The following GABRG3 variants were observed in gnomAD, a reference collection of about 807,000 sequenced individuals.
The protein encoded by GABRG3 is gamma-aminobutyric acid type A receptor subunit gamma3, also known as gamma-aminobutyric acid receptor subunit gamma-3.
A neutral mutation model predicts 48.8 loss-of-function variants in GABRG3; 25 were observed. The ratio of observed to expected loss-of-function variants is 0.51; its 90% confidence interval spans 0.37 to 0.72. GABRG3 has a LOEUF of 0.72. Among genes scored for constraint, GABRG3 ranks in the 30% least tolerant of loss-of-function variants. The pLI is 0.00. For synonymous variants in GABRG3, 227 were observed against 217.6 expected (o/e 1.04, Z -0.38); for missense variants, 394 against 577.9 (o/e 0.68, Z 3.26).
chr15:27,230,146 AGTGT>A (rs1350850149), intron 3 of GABRG3, among the ~76,000 whole-genome samples: 1 of 151,866 alleles, frequency 6.6e-6, no homozygotes. Context: ...TATTTTATTT[AGTGT>A]GTGTGTGGCA....
chr15:27,166,516 C>G (rs1297557748), intron 3 of GABRG3, among the ~76,000 whole-genome samples: 1 of 152,058 alleles, frequency 6.6e-6, no homozygotes, highest in East Asian at 1.9e-4. Context: ...AAAGGTCTTG[C>G]AGGGAGGCCA....
chr15:27,387,436 T>C (rs1895957595), intron 5 of GABRG3, among the ~76,000 whole-genome samples: 1 of 152,170 alleles, frequency 6.6e-6, no homozygotes, highest in Admixed American at 6.5e-5. Context: ...TCGAAGCCTA[T>C]TCAACACTAT....
At chr15:27,074,524 C>G (rs1896879911) in intron 3 of GABRG3, among the ~76,000 whole-genome samples, 1 of 151,820 alleles carries the variant, frequency 6.6e-6, no homozygotes, top group African/African-American at 2.4e-5. Context: ...GACTCTTGTC[C>G]CTTCCTCGGA....
chr15:27,246,361 T>C (rs1353962323), intron 3 of GABRG3, among the ~76,000 whole-genome samples: 3 of 152,218 alleles, frequency 2.0e-5, no homozygotes, highest in African/African-American at 7.2e-5. Context: ...AGAATGTTGC[T>C]GAATCATGTG....
At chr15:27,532,571 G>A (rs1891449550) in intron 9 of GABRG3, 29 bp from the exon 10 acceptor site, 1 of 1,606,760 alleles carries the variant, frequency 6.2e-7, no homozygotes, top group African/African-American at 1.3e-5. Context: ...ATTTTACAAT[G>A]GTTGTTGTGT....
intron 3 of GABRG3, among the ~76,000 whole-genome samples, chr15:27,244,558 G>A (rs564518359): frequency 1.5e-4 from 23 of 152,298 alleles, no homozygotes; most frequent in Admixed American, 2.0e-4. Context: ...CATGTGTATT[G>A]AATATCTGCA....
chr15:27,389,682 G>A lies in GABRG3; in HGVS notation c.574+60794G>A, dbSNP rs112418614. 3.9e-3 allele frequency among the ~76,000 whole-genome samples: 594 copies of A among 152,192 alleles called. 2 individuals carry two copies. Among genetic ancestry groups the A allele is most frequent in the African/African-American group, 0.014 (561 of 41,522 alleles). On this transcript the variant is annotated intron_variant, in intron 5 of 9. Transcript: ENST00000615808. The stretch of plus-strand genomic sequence containing the variant: ...GTAATATCATCCTACAGAACAATCC[G>A]TCACAGCTACTCAGAGCACGTAATT...
At position 27,507,640 on chromosome 15, in the gene GABRG3, G is replaced by C. The variant is rs533192554; in HGVS notation, c.713-12332G>C. 2.2e-3 allele frequency among the ~76,000 whole-genome samples: 332 copies of C among 152,122 alleles called. 1 individual carries two copies. Among genetic ancestry groups the C allele is most frequent in the Non-Finnish European group, 3.6e-3 (242 of 68,002 alleles). ...AGAATATGTATTCTGCTGTTTTGTTGCCTGGAGTATTATATAATTATAAAT... is the reference window on the plus strand; with the variant it reads ...AGAATATGTATTCTGCTGTTTTGTTCCCTGGAGTATTATATAATTATAAAT... On this transcript the variant is annotated intron_variant, in intron 6 of 9. Transcript: ENST00000615808.
intron 3 of GABRG3, among the ~76,000 whole-genome samples, chr15:27,066,077 A>C (rs932944202): frequency 6.6e-6 from 1 of 152,234 alleles, no homozygotes; most frequent in African/African-American, 2.4e-5. Flanking sequence ...AGCGAAAGTG[A>C]CATTGGCTGT....
At chr15:27,490,316 C>T (rs1890318480) in intron 6 of GABRG3, among the ~76,000 whole-genome samples, 1 of 152,204 alleles carries the variant, frequency 6.6e-6, no homozygotes. Flanking sequence ...TAAAAGTCCA[C>T]ACTGCTTCTG....
chr15:27,114,422 T>C (rs1299446956), intron 3 of GABRG3, among the ~76,000 whole-genome samples: 1 of 152,212 alleles, frequency 6.6e-6, no homozygotes, highest in African/African-American at 2.4e-5. Flanking sequence ...ATCAATCTTA[T>C]AGCTGTGCAT....
At chr15:27,098,070 A>G (rs959257970) in intron 3 of GABRG3, among the ~76,000 whole-genome samples, 2 of 152,062 alleles carry the variant, frequency 1.3e-5, no homozygotes, top group Non-Finnish European at 2.9e-5. Context: ...AGTTATCACA[A>G]TTTTAGTATT....
chr15:27,022,252 AC>A (rs1895909136), intron 2 of GABRG3, among the ~76,000 whole-genome samples: 1 of 152,236 alleles, frequency 6.6e-6, no homozygotes, highest in East Asian at 1.9e-4. Context: ...TTGCCACTTC[AC>A]GCTGGAAAAG....
At position 27,333,005 on chromosome 15, in the gene GABRG3, T is replaced by C. The variant is rs1012838740; in HGVS notation, c.574+4117T>C. Reference sequence around the variant, plus strand: ...CTAAAATGTAGTTTAAAAGGTAATGTTATTAGTTTATTTAAACTTGTTAAA... The same window carrying C: ...CTAAAATGTAGTTTAAAAGGTAATGCTATTAGTTTATTTAAACTTGTTAAA... On this transcript the variant is annotated intron_variant, in intron 5 of 9. Coordinates refer to ENST00000615808, the MANE Select transcript of GABRG3 (RefSeq NM_033223.5). Among the ~76,000 whole-genome samples, 8 of 152,216 alleles carry C rather than the reference T, an allele frequency of 5.3e-5. No individual in the cohort carries two copies. The East Asian group carries it at 1.5e-3, about 29-fold the overall frequency.
At chr15:27,156,273 T>C (rs1427299079) in intron 3 of GABRG3, among the ~76,000 whole-genome samples, 1 of 126,914 alleles carries the variant, frequency 7.9e-6, no homozygotes, top group Non-Finnish European at 1.6e-5. Flanking sequence ...CACTCCAGCC[T>C]GAGTGACAGA....
chr15:27,076,614 G>A (rs944807918), intron 3 of GABRG3, among the ~76,000 whole-genome samples: 3 of 152,138 alleles, frequency 2.0e-5, no homozygotes, highest in Non-Finnish European at 2.9e-5. Context: ...ATGAGCCACC[G>A]TGCCCGGTGA....
intron 6 of GABRG3, among the ~76,000 whole-genome samples, chr15:27,487,877 A>T (rs1056325154): frequency 1.3e-5 from 2 of 152,200 alleles, no homozygotes; most frequent in Non-Finnish European, 2.9e-5. Context: ...ATTGTTTTAC[A>T]TGCTTTTTTG....
intron 3 of GABRG3, among the ~76,000 whole-genome samples, chr15:27,101,122 AAG>A (rs1189620303): frequency 6.6e-6 from 1 of 152,250 alleles, no homozygotes; most frequent in Non-Finnish European, 1.5e-5. Flanking sequence ...CTCTGGATAA[AAG>A]ATTATCACCC....
chr15:27,208,306 C>G (rs1358436659), intron 3 of GABRG3: 1 of 212,400 alleles, frequency 4.7e-6, no homozygotes, highest in Non-Finnish European at 1.0e-5. Flanking sequence ...GAGCCAAGGC[C>G]TGGTCAGTGA....
Sources: gnomAD v4.1 joint callset for allele counts (sites outside exome capture counted in the v4.1 genomes callset) on GRCh38, gnomAD v4.1.1 for gene constraint, MANE v1.5 for transcripts, NCBI Gene and HGNC (gene_info 2026-07-23, HGNC 2026-07-21) for gene names.